The following EGLN3 variants were observed in gnomAD, a reference collection of about 807,000 sequenced individuals.
EGLN3 encodes prolyl hydroxylase EGLN3.
A neutral mutation model predicts 26.0 loss-of-function variants in EGLN3; 15 were observed. The observed-to-expected ratio is 0.58, with a 90% CI of 0.39 to 0.89. The LOEUF is 0.89. EGLN3 is among the 40% of genes least tolerant of loss of function. The pLI is 0.00. For missense variants in EGLN3, 238 were observed against 311.6 expected, an observed-to-expected ratio of 0.76 and a Z score of 1.78; for synonymous variants, 147 against 127.2, an observed-to-expected ratio of 1.16 and a Z score of -1.05.
chr14:33,950,968 G>T lies in EGLN3; in HGVS notation c.-216C>A. ...CTTCGGGAACCAGCGGGAGTGGTGC[G>T]GAGCTCCACGACCCGTTTCCGGACT... On this transcript the variant is annotated 5_prime_UTR_variant, in exon 1 of 5. Coordinates refer to ENST00000250457, the MANE Select transcript of EGLN3 (RefSeq NM_022073.4). The T allele has an allele frequency of 1.7e-6, 1 of 586,152 alleles. No homozygotes were observed. The highest frequency in any genetic ancestry group is 3.0e-6 in the Non-Finnish European group (1 of 331,418). 36.3% of individuals were successfully genotyped at this position (586,152 alleles called of 1,614,324 possible).
intron 3 of EGLN3, among the ~76,000 whole-genome samples, chr14:33,928,565 C>G (rs2064378631): frequency 6.6e-6 from 1 of 152,108 alleles, no homozygotes; most frequent in Non-Finnish European, 1.5e-5. Flanking sequence ...ACTGTTGGAC[C>G]ATGGATACAG....
chr14:33,933,145 A>G (rs762297041), intron 1 of EGLN3, among the ~76,000 whole-genome samples: 8 of 152,178 alleles, frequency 5.3e-5, no homozygotes, highest in Non-Finnish European at 1.0e-4. Flanking sequence ...ACTAACTGTG[A>G]TCCCAGGCTG....
At chr14:33,934,731 A>G (rs2138816444) in intron 1 of EGLN3, among the ~76,000 whole-genome samples, 1 of 152,314 alleles carries the variant, frequency 6.6e-6, no homozygotes, top group East Asian at 1.9e-4. Flanking sequence ...TGCAACATGT[A>G]TTTTCATAGA....
At chr14:33,926,488 G>A (rs2064363398) in intron 4 of EGLN3, among the ~76,000 whole-genome samples, 1 of 152,104 alleles carries the variant, frequency 6.6e-6, no homozygotes, top group African/African-American at 2.4e-5. Context: ...ACGTATTTTG[G>A]GAAATGCTGC....
At chr14:33,927,192 T>TA (rs2064368525) in intron 3 of EGLN3, among the ~76,000 whole-genome samples, 159 bp from the exon 4 acceptor site, 18 of 150,486 alleles carry the variant, frequency 1.2e-4, no homozygotes, top group East Asian at 3.9e-4. Flanking sequence ...TTTATTTATT[T>TA]TTTGAGATGG....
At chr14:33,933,017 C>A (rs1435466298) in intron 1 of EGLN3, among the ~76,000 whole-genome samples, 3 of 152,156 alleles carry the variant, frequency 2.0e-5, no homozygotes, top group South Asian at 4.1e-4. Flanking sequence ...AGGCTCCCCC[C>A]ACTGAGTGTG....
chr14:33,948,545 C>T (rs916965162), intron 1 of EGLN3: 20 of 152,194 alleles, frequency 1.3e-4, no homozygotes, highest in African/African-American at 4.8e-4. Context: ...GAAAGTTTTT[C>T]ATTCCACCCA....
At chr14:33,940,163 C>G (rs768073591) in intron 1 of EGLN3, among the ~76,000 whole-genome samples, 3 of 152,090 alleles carry the variant, frequency 2.0e-5, no homozygotes, top group Non-Finnish European at 4.4e-5. Context: ...TTGGTTATTC[C>G]CAGTGCAGGT....
intron 4 of EGLN3, among the ~76,000 whole-genome samples, chr14:33,926,128 A>G (rs1305967691): frequency 1.3e-5 from 2 of 152,224 alleles, no homozygotes; most frequent in Non-Finnish European, 2.9e-5. Flanking sequence ...CTTTGGGTTT[A>G]CATCCAGCAT....
intron 1 of EGLN3, among the ~76,000 whole-genome samples, chr14:33,931,599 G>A (rs2064404402): frequency 6.6e-6 from 1 of 152,216 alleles, no homozygotes; most frequent in Non-Finnish European, 1.5e-5. Context: ...CACTAGGTGT[G>A]GAGTTTAGGG....
chr14:33,950,849 G>A lies in EGLN3; in HGVS notation c.-97C>T, dbSNP rs1376312122. 3 of 1,180,586 alleles carry A rather than the reference G, an allele frequency of 2.5e-6. No homozygotes were observed. Among genetic ancestry groups the A allele is most frequent in the African/African-American group, 3.1e-5 (2 of 65,464 alleles). The allele number at this position is 1,180,586 out of a possible 1,614,324, so 73.1% of individuals were successfully genotyped here. On this transcript the variant is annotated 5_prime_UTR_variant, in exon 1 of 5. Coordinates refer to ENST00000250457, the MANE Select transcript of EGLN3 (RefSeq NM_022073.4). ...GCCGAGGCGCGGGGAGCGTGGCCCG[G>A]GGTTCAGAAACCTGCGGCTGCCACG...
At chr14:33,937,636 A>C (rs1425728137) in intron 1 of EGLN3, among the ~76,000 whole-genome samples, 1 of 152,190 alleles carries the variant, frequency 6.6e-6, no homozygotes, top group Non-Finnish European at 1.5e-5. Flanking sequence ...ATTATTCATG[A>C]AAATGTTTTT....
chr14:33,931,465 C>G, intron 1 of EGLN3: 1 of 462,820 alleles, frequency 2.2e-6, no homozygotes, highest in Non-Finnish European at 3.8e-6. Flanking sequence ...ACATTTTACA[C>G]AGTCTTTCTT....
chr14:33,928,568 G>A (rs1243784475), intron 3 of EGLN3, among the ~76,000 whole-genome samples: 2 of 152,164 alleles, frequency 1.3e-5, no homozygotes, highest in African/African-American at 4.8e-5. Flanking sequence ...GTTGGACCAT[G>A]GATACAGCAA....
At chr14:33,943,976 C>T (rs1379710962) in intron 1 of EGLN3, among the ~76,000 whole-genome samples, 1 of 152,142 alleles carries the variant, frequency 6.6e-6, no homozygotes, top group African/African-American at 2.4e-5. Flanking sequence ...TGCATAACTC[C>T]ACTTAAGGGT....
In EGLN3 at chr14:33,950,504, G is replaced by A. The variant is rs1566602911; in HGVS notation, c.249C>T (p.Gly83=). The part of the protein sequence containing the change: ...LRGDQITWIG[G]NEEGCEAISF... ...TGATGGCCTCGCAGCCCTCCTCGTTGCCCCCGATCCACGTGATCTGGTCGC... is the reference window on the plus strand; with the variant it reads ...TGATGGCCTCGCAGCCCTCCTCGTTACCCCCGATCCACGTGATCTGGTCGC... The change falls in exon 1 of 5, where the codon GGC becomes GGT. Residue 83 remains glycine, a synonymous_variant. Coordinates refer to ENST00000250457, the MANE Select transcript of EGLN3 (RefSeq NM_022073.4). 2 of 1,613,636 alleles carry A rather than the reference G, an allele frequency of 1.2e-6. No homozygotes were observed. Among genetic ancestry groups the A allele is most frequent in the Non-Finnish European group, 1.7e-6 (2 of 1,180,032 alleles).
At chr14:33,934,484 C>G (rs1408178799) in intron 1 of EGLN3, among the ~76,000 whole-genome samples, 1 of 90,632 alleles carries the variant, frequency 1.1e-5, no homozygotes, top group Non-Finnish European at 2.4e-5. Context: ...AAAAAAAAAC[C>G]TATCTCATCA....
intron 3 of EGLN3, 67 bp downstream of exon 3, chr14:33,929,009 A>C: frequency 6.3e-7 from 1 of 1,581,302 alleles, no homozygotes; most frequent in East Asian, 2.2e-5. Context: ...CACACGTTTA[A>C]AGAGTTCTCT....
chr14:33,943,380 A>G (rs2064496596), intron 1 of EGLN3, among the ~76,000 whole-genome samples: 2 of 152,322 alleles, frequency 1.3e-5, no homozygotes, highest in East Asian at 1.9e-4. Flanking sequence ...GATCTGAACT[A>G]TCATTACTGT....
Sources: allele counts gnomAD v4.1 joint callset (sites outside exome capture counted in the v4.1 genomes callset), GRCh38; gene constraint gnomAD v4.1.1; transcripts MANE v1.5; gene names NCBI Gene and HGNC (gene_info 2026-07-23, HGNC 2026-07-21).